Variants in CACNA1S observed in about 807,000 individuals in gnomAD.
CACNA1S encodes the protein voltage-dependent L-type calcium channel subunit alpha-1S.
CACNA1S carries 126 observed loss-of-function variants against 207.4 expected under a neutral mutation model. The ratio of observed to expected loss-of-function variants is 0.61; its 90% CI spans 0.53 to 0.70. CACNA1S has a LOEUF of 0.70. CACNA1S is among the 30% of genes least tolerant of loss of function. The pLI is 0.00. For synonymous variants in CACNA1S, 960 were observed against 932.7 expected (o/e 1.03, Z -0.53); for missense variants, 2,349 against 2,422.8 (o/e 0.97, Z 0.64).
chr1:201,094,510 C>A (rs60533026), intron 2 of CACNA1S, among the ~76,000 whole-genome samples: 2,025 of 152,116 alleles, frequency 0.013, 47 homozygotes, highest in African/African-American at 0.046. Context: ...CTGAGGTACC[C>A]AAAATGAAAG....
Position 201,039,852 on chromosome 1 carries a change from G to C in CACNA1S, c.5601C>G (p.Thr1867=). 6.2e-7 allele frequency: 1 copy of C among 1,607,336 alleles called. No individual in the cohort carries two copies. Among genetic ancestry groups the C allele is most frequent in the East Asian group, 2.2e-5 (1 of 44,886 alleles). Reference sequence around the variant, plus strand: ...GGCATCACAGCCTTGGAGGAATAAGGGTCTCCTGGGAGCCCTGGTGTTGGT... The same window carrying C: ...GGCATCACAGCCTTGGAGGAATAAGCGTCTCCTGGGAGCCCTGGTGTTGGT... The part of the protein sequence containing the change: ...SLDQHQGSQE[T]LIPPRL The change falls in exon 44 of 44, where the codon ACC becomes ACG. Residue 1867 remains threonine (T), a synonymous_variant. Transcript: ENST00000362061.
At chr1:201,042,306 TTG>T (rs1660275384) in intron 40 of CACNA1S, among the ~76,000 whole-genome samples, 2 of 152,048 alleles carry the variant, frequency 1.3e-5, no homozygotes, top group African/African-American at 4.8e-5. Flanking sequence ...GACTAATTTT[TTG>T]TGTGTTTTTA....
At chr1:201,077,671 G>GA (rs1040500051) in intron 11 of CACNA1S, among the ~76,000 whole-genome samples, 9 of 151,840 alleles carry the variant, frequency 5.9e-5, no homozygotes, top group African/African-American at 9.7e-5. Flanking sequence ...ACTATGGTAA[G>GA]AAAAAAAACA....
rs757755172 is a variant in CACNA1S at position 201,089,332 on chromosome 1, C to T, written c.826G>A (p.Asp276Asn). ...GTGAGCATGGAGAAGCCGAAGTTGT[C>T]GAAGTGGGTGATGCCATGGTTGGGC... ...PGPNHGITHF[D>N]NFGFSMLTVY... The change falls in exon 6 of 44, where the codon GAC (aspartate) becomes AAC (asparagine). Residue 276 changes from aspartate to asparagine, a missense_variant. Physicochemically the swap from Asp to Asn is conservative, Grantham distance 23. Coordinates refer to ENST00000362061, the MANE Select transcript of CACNA1S (RefSeq NM_000069.3). The T allele has an allele frequency of 1.7e-5, 28 of 1,614,254 alleles. No homozygotes were observed. Among genetic ancestry groups the T allele is most frequent in the Middle Eastern group, 3.3e-4 (2 of 6,062 alleles).
intron 32 of CACNA1S, among the ~76,000 whole-genome samples, chr1:201,051,723 T>C (rs3767499): frequency 0.42 from 63,335 of 152,120 alleles, 14,677 homozygotes; most frequent in South Asian, 0.65. Flanking sequence ...GTGTCTCCTC[T>C]AGTCACATTC....
At chr1:201,078,967 A>G (rs1205191082) in intron 10 of CACNA1S, among the ~76,000 whole-genome samples, 3 of 151,868 alleles carry the variant, frequency 2.0e-5, no homozygotes, top group Non-Finnish European at 4.4e-5. Flanking sequence ...CTAAAAATAC[A>G]AAAAGTAGCT....
Position 201,062,529 on chromosome 1 carries a change from A to G in CACNA1S, c.2854-15T>C. On this transcript the variant is annotated splice_polypyrimidine_tract_variant and intron_variant, in intron 22 of 43. Coordinates refer to ENST00000362061, the MANE Select transcript of CACNA1S (RefSeq NM_000069.3). ...AAGAACTTCCCCTGCAGCCAGGAAGAGGGAGGGAGGGAGGGAGGCATGTTG... is the reference window on the plus strand; with the variant it reads ...AAGAACTTCCCCTGCAGCCAGGAAGGGGGAGGGAGGGAGGGAGGCATGTTG... The G allele has an allele frequency of 6.2e-6, 4 of 648,278 alleles. No homozygotes were observed. The highest frequency in any genetic ancestry group is 5.2e-5 in the East Asian group (1 of 19,292). 40.2% of individuals were successfully genotyped at this position (648,278 alleles called of 1,614,324 possible).
chr1:201,102,168 A>C (rs765356695), intron 2 of CACNA1S, among the ~76,000 whole-genome samples: 1 of 152,142 alleles, frequency 6.6e-6, no homozygotes, highest in Non-Finnish European at 1.5e-5. Flanking sequence ...GAAGACAAGA[A>C]AGGGGGAGGA....
Position 201,091,751 on chromosome 1 carries a change from G to A in CACNA1S, c.583C>T (p.Pro195Ser). The A allele has an allele frequency of 1.9e-6, 3 of 1,614,110 alleles. No homozygotes were observed. Among genetic ancestry groups the A allele is most frequent in the South Asian group, 2.2e-5 (2 of 91,080 alleles). ...VLNSIFKAML[P>S]LFHIALLVLF... ...ACCAGCAGGGCGATGTGAAAGAGGG[G>A]GAGCATGGCCTTGAAGATGGAGTTC... is the stretch of plus-strand genomic sequence containing the variant. Residue 195 changes from proline to serine, a missense_variant, in exon 5 of 44, where the codon CCC becomes TCC. Coordinates refer to ENST00000362061, the MANE Select transcript of CACNA1S (RefSeq NM_000069.3).
intron 2 of CACNA1S, among the ~76,000 whole-genome samples, chr1:201,094,929 C>G (rs1243413145): frequency 6.6e-6 from 1 of 152,088 alleles, no homozygotes; most frequent in Non-Finnish European, 1.5e-5. Flanking sequence ...AGAGCTATTT[C>G]TAACTGAGGA....
intron 41 of CACNA1S, among the ~76,000 whole-genome samples, chr1:201,041,020 G>A (rs1174919337): frequency 6.6e-6 from 1 of 152,210 alleles, no homozygotes; most frequent in Non-Finnish European, 1.5e-5. Context: ...AAGTGAAAGT[G>A]TGTTGGGGAA....
In CACNA1S at chr1:201,053,904, T is replaced by G. The variant is rs1315934931; in HGVS notation, c.3667-317A>C. ...GGCCCACTGCCTGCCCTCTGGGACC[T>G]GCTGCACATCTCACAATCTCCTCAA... On this transcript the variant is annotated intron_variant, in intron 29 of 43. Transcript: ENST00000362061. The surrounding 1 kb of genome is among the most constrained non-coding windows in gnomAD (Gnocchi z 5.1). 6.6e-6 allele frequency among the ~76,000 whole-genome samples: 1 copy of G among 152,108 alleles called. No homozygotes were observed. Among genetic ancestry groups the G allele is most frequent in the Non-Finnish European group, 1.5e-5 (1 of 67,980 alleles).
At chr1:201,043,996 G>C (rs1660387038) in intron 39 of CACNA1S, among the ~76,000 whole-genome samples, 1 of 152,200 alleles carries the variant, frequency 6.6e-6, no homozygotes, top group Admixed American at 6.5e-5. Context: ...GCTAAGGATG[G>C]AGGACTGGCC....
chr1:201,039,643 G>T lies in CACNA1S; in HGVS notation c.*188C>A, dbSNP rs1660038240. 2 of 680,616 alleles carry T rather than the reference G, an allele frequency of 2.9e-6. No individual in the cohort carries two copies. Among genetic ancestry groups the T allele is most frequent in the Non-Finnish European group, 5.0e-6 (2 of 396,888 alleles). 42.2% of individuals were successfully genotyped at this position (680,616 alleles called of 1,614,324 possible). ...CAATCATGCCTCTTGCTGGTGAGGG[G>T]CAGGGCCTGTCCAGCTACTTCCTCC... is the stretch of plus-strand genomic sequence containing the variant. On this transcript the variant is annotated 3_prime_UTR_variant, in exon 44 of 44. Coordinates refer to ENST00000362061, the MANE Select transcript of CACNA1S (RefSeq NM_000069.3).
intron 5 of CACNA1S, among the ~76,000 whole-genome samples, chr1:201,090,293 G>C (rs1176273214): frequency 2.0e-5 from 3 of 152,198 alleles, no homozygotes; most frequent in Non-Finnish European, 4.4e-5. Context: ...GAGAACACCA[G>C]TGAGACCTCC....
At chr1:201,054,237 CTG>C (rs976962672) in intron 29 of CACNA1S, among the ~76,000 whole-genome samples, 1 of 152,254 alleles carries the variant, frequency 6.6e-6, no homozygotes, top group Non-Finnish European at 1.5e-5. Flanking sequence ...TCTCTCTGGA[CTG>C]TGTTTCCATC....
rs780804903 is a variant in CACNA1S, at chr1:201,075,487, G to A, written c.1948+8C>T. On this transcript the variant is annotated splice_region_variant and intron_variant, in intron 13 of 43. Transcript: ENST00000362061. ...GCTCTTTTCTGCACCCTGCTCCCGA[G>A]AGGATACAGTTGCCACAGACGAAAA... 1.9e-6 allele frequency: 3 copies of A among 1,612,134 alleles called. No individual in the cohort carries two copies. The South Asian group carries it at 3.3e-5, about 18-fold the overall frequency.
Position 201,047,616 on chromosome 1 carries a change from C to T in CACNA1S, c.4452G>A (p.Glu1484=), listed in dbSNP as rs2102553700. The T allele has an allele frequency of 3.7e-6, 6 of 1,613,982 alleles. No homozygotes were observed. The highest frequency in any genetic ancestry group is 1.1e-5 in the South Asian group (1 of 91,074). ...ALKIKTEGNF[E]QANEELRAII... is the part of the protein sequence containing the mutation. ...TGGCCCTCAGCTCCTCGTTGGCCTGCTCAAAGTTACCTGGAGCAGGAGAAA... is the reference window on the plus strand; with the variant it reads ...TGGCCCTCAGCTCCTCGTTGGCCTGTTCAAAGTTACCTGGAGCAGGAGAAA... The change falls in exon 37 of 44, where the codon GAG becomes GAA. Residue 1484 remains glutamate (E), a synonymous_variant. Coordinates refer to ENST00000362061, the MANE Select transcript of CACNA1S (RefSeq NM_000069.3).
At chr1:201,083,035 T>C (rs754795510) in intron 10 of CACNA1S, 127 bp downstream of exon 10, 10 of 1,025,412 alleles carry the variant, frequency 9.8e-6, no homozygotes, top group Non-Finnish European at 1.5e-5. Flanking sequence ...TGGTCCATAA[T>C]TTTTAGAAAA....
Sources: gnomAD v4.1 joint callset for allele counts (sites outside exome capture counted in the v4.1 genomes callset) on GRCh38, gnomAD v4.1.1 for gene constraint, Gnocchi (gnomAD v3.1) non-coding constraint, MANE v1.5 for transcripts, NCBI Gene and HGNC (gene_info 2026-07-23, HGNC 2026-07-21) for gene names.